The following AKR1C3 variants were observed in gnomAD, a reference collection of about 807,000 sequenced individuals.
AKR1C3 encodes aldo-keto reductase family 1 member C3.
In AKR1C3, 48 loss-of-function variants were observed where a neutral mutation model predicts 43.6. That is an observed-to-expected ratio of 1.10 (90% CI 0.87 to 1.40). AKR1C3 has a LOEUF of 1.40. AKR1C3 is among the 40% of genes most tolerant of loss of function. AKR1C3 has a pLI of 0.00. For synonymous variants in AKR1C3, 162 were observed against 139.6 expected (o/e 1.16, Z -1.13); for missense variants, 482 against 391.2 (o/e 1.23, Z -1.96).
chr10:5,103,897 A>G (rs1231954384), intron 7 of AKR1C3, among the ~76,000 whole-genome samples: 1 of 152,164 alleles, frequency 6.6e-6, no homozygotes, highest in Non-Finnish European at 1.5e-5. Context: ...TTATTAATCT[A>G]TGATGGATTA....
intron 8 of AKR1C3, among the ~76,000 whole-genome samples, chr10:5,106,970 T>C (rs1839518618): frequency 2.6e-5 from 4 of 152,186 alleles, no homozygotes; most frequent in Admixed American, 2.6e-4. Context: ...TGAGTAATTC[T>C]TATCATCCAT....
upstream of AKR1C3, among the ~76,000 whole-genome samples, chr10:5,092,868 CTTA>C (rs782165202): frequency 8.6e-5 from 13 of 151,732 alleles, no homozygotes; most frequent in Non-Finnish European, 1.6e-4. Flanking sequence ...CTTTATATAC[CTTA>C]TTATTTTATT....
chr10:5,107,316 C>A, intron 8 of AKR1C3, 145 bp from the exon 9 acceptor site: 1 of 623,078 alleles, frequency 1.6e-6, no homozygotes, highest in Non-Finnish European at 2.8e-6. Context: ...ATTATGAAGC[C>A]ATGTTCATAA....
At chr10:5,088,073 T>C (rs1428302782) in intron 1 of AKR1C3, among the ~76,000 whole-genome samples, 5 of 152,216 alleles carry the variant, frequency 3.3e-5, no homozygotes, top group South Asian at 2.1e-4. Flanking sequence ...TTTCATTCTT[T>C]ACCCAAAAGT....
intron 1 of AKR1C3, among the ~76,000 whole-genome samples, chr10:5,080,452 C>A (rs1838809955): frequency 6.6e-6 from 1 of 152,020 alleles, no homozygotes; most frequent in African/African-American, 2.4e-5. Context: ...GGTGAAACCC[C>A]ATGTTTAATA....
chr10:5,097,863 ACAGAGTTTCATGCAGTTG>A, intron 3 of AKR1C3: 6 of 1,143,448 alleles, frequency 5.2e-6, no homozygotes, highest in Non-Finnish European at 6.5e-6. Context: ...GTTCCCAGAC[ACAGAGTTTCATGCAGTTG>A]TGGTGCCCAA....
intron 1 of AKR1C3, among the ~76,000 whole-genome samples, chr10:5,084,650 C>A (rs1367776916): frequency 6.6e-6 from 1 of 152,078 alleles, no homozygotes; most frequent in African/African-American, 2.4e-5. Flanking sequence ...GGCATTGAAT[C>A]TATAAATTAC....
Position 5,102,512 on chromosome 10 carries a change from G to A in AKR1C3, c.708G>A (p.Leu236=). 5 of 1,569,662 alleles carry A rather than the reference G, an allele frequency of 3.2e-6. No individual in the cohort carries two copies. The highest frequency in any genetic ancestry group is 4.3e-6 in the Non-Finnish European group (5 of 1,158,834). ...TGGACCCGAACTCCCCGGTGCTCTT[G>A]GAGGACCCAGTCCTTTGTGCCTTGG... ...RWVDPNSPVL[L]EDPVLCALAK... The change falls in exon 7 of 9, where the codon TTG becomes TTA. Residue 236 remains leucine (L), a synonymous_variant. Coordinates refer to ENST00000380554, the MANE Select transcript of AKR1C3 (RefSeq NM_003739.6).
chr10:5,095,575 T>C (rs375950578), intron 1 of AKR1C3, among the ~76,000 whole-genome samples: 4 of 152,054 alleles, frequency 2.6e-5, no homozygotes, highest in African/African-American at 9.7e-5. Flanking sequence ...CTTCTTTAAA[T>C]ACATGTAAAA....
chr10:5,106,984 A>G (rs587716348), intron 8 of AKR1C3, among the ~76,000 whole-genome samples: 1 of 152,318 alleles, frequency 6.6e-6, no homozygotes, highest in Non-Finnish European at 1.5e-5. Context: ...CATCCATTAA[A>G]AATGTAATAA....
intron 1 of AKR1C3, among the ~76,000 whole-genome samples, chr10:5,052,143 G>C (rs1456390454): frequency 6.6e-6 from 1 of 152,160 alleles, no homozygotes; most frequent in Non-Finnish European, 1.5e-5. Context: ...GGTCGCGTTG[G>C]CTCAGGAGTG....
At chr10:5,052,741 T>C (rs1037707581) in intron 1 of AKR1C3, among the ~76,000 whole-genome samples, 3 of 152,106 alleles carry the variant, frequency 2.0e-5, no homozygotes, top group Non-Finnish European at 2.9e-5. Flanking sequence ...ATTAGCTAGA[T>C]ACAGAGTGTG....
intron 1 of AKR1C3, among the ~76,000 whole-genome samples, chr10:5,086,901 C>G (rs1261956118): frequency 6.6e-6 from 1 of 152,034 alleles, no homozygotes; most frequent in Non-Finnish European, 1.5e-5. Context: ...ATTGCAACCC[C>G]TGCCTTTTTT....
At chr10:5,094,656 G>T in intron 1 of AKR1C3, 128 bp downstream of exon 1, 4 of 1,005,310 alleles carry the variant, frequency 4.0e-6, no homozygotes, top group Non-Finnish European at 5.9e-6. Flanking sequence ...GGTTTCCTAG[G>T]CTAGGAGAAA....
intron 1 of AKR1C3, chr10:5,077,552 GT>G (rs1838740580): frequency 4.0e-6 from 2 of 505,374 alleles, no homozygotes; most frequent in Non-Finnish European, 2.6e-6. Context: ...GAAATGCAAG[GT>G]TTGTCTTTTG....
chr10:5,053,463 G>T (rs1452133073), intron 1 of AKR1C3, among the ~76,000 whole-genome samples: 1 of 152,246 alleles, frequency 6.6e-6, no homozygotes, highest in East Asian at 1.9e-4. Context: ...CGCAGCCCCA[G>T]TTCCCACCCA....
chr10:5,079,849 T>C (rs1378072234), intron 1 of AKR1C3, among the ~76,000 whole-genome samples: 1 of 152,208 alleles, frequency 6.6e-6, no homozygotes, highest in Non-Finnish European at 1.5e-5. Flanking sequence ...ATATGCATTT[T>C]ATGTTAATTA....
intron 1 of AKR1C3, among the ~76,000 whole-genome samples, chr10:5,075,427 C>G (rs1838697272): frequency 6.6e-6 from 1 of 152,022 alleles, no homozygotes; most frequent in Non-Finnish European, 1.5e-5. Flanking sequence ...CCATGGCCCC[C>G]CTTGAGTGAA....
chr10:5,089,956 C>T (rs1839049933), upstream of AKR1C3, among the ~76,000 whole-genome samples: 1 of 152,252 alleles, frequency 6.6e-6, no homozygotes, highest in Middle Eastern at 3.4e-3. Flanking sequence ...TGTAGAGTGT[C>T]ATGAGTAGTG....
Sources: allele counts gnomAD v4.1 joint callset (sites outside exome capture counted in the v4.1 genomes callset), GRCh38; gene constraint gnomAD v4.1.1; transcripts MANE v1.5; gene names NCBI Gene and HGNC (gene_info 2026-07-23, HGNC 2026-07-21).